CAP2: variants seen among roughly 807,000 people sequenced by gnomAD.
The protein encoded by CAP2 is adenylyl cyclase-associated protein 2.
Under a neutral mutation model 57.7 loss-of-function variants are expected in CAP2, and 24 were observed. The observed-to-expected ratio is 0.42, with a 90% CI of 0.30 to 0.58. The LOEUF (loss-of-function observed/expected upper bound fraction) is 0.58, where lower values mean the gene tolerates loss of function less well. CAP2 is among the 20% of genes least tolerant of loss of function. The pLI, the probability that CAP2 is intolerant of heterozygous loss-of-function variation, is 0.22. For synonymous variants in CAP2, 194 were observed against 207.2 expected (o/e 0.94, Z 0.55); for missense variants, 501 against 590.3 (o/e 0.85, Z 1.57).
chr6:17,502,909 C>G (rs1761864150), intron 4 of CAP2, among the ~76,000 whole-genome samples: 1 of 152,170 alleles, frequency 6.6e-6, no homozygotes. Context: ...GAAACTGATG[C>G]CACACCTTTG....
At chr6:17,409,552 T>C (rs757386514) in intron 1 of CAP2, among the ~76,000 whole-genome samples, 5 of 152,188 alleles carry the variant, frequency 3.3e-5, no homozygotes, top group Non-Finnish European at 5.9e-5. Context: ...CATCACTTTG[T>C]AGTTGCAAAG....
At chr6:17,462,029 A>G (rs1760743610) in intron 3 of CAP2, among the ~76,000 whole-genome samples, 1 of 143,288 alleles carries the variant, frequency 7.0e-6, no homozygotes, top group African/African-American at 2.5e-5. Flanking sequence ...AAAAATTAAC[A>G]TAACAAAAAA....
intron 1 of CAP2, among the ~76,000 whole-genome samples, chr6:17,404,537 C>T (rs1193882237): frequency 2.0e-5 from 3 of 151,326 alleles, no homozygotes; most frequent in East Asian, 2.0e-4. Context: ...CCCAGGAGGC[C>T]GAGCTTGCAG....
intron 3 of CAP2, among the ~76,000 whole-genome samples, chr6:17,446,242 A>G (rs1315775394): frequency 6.6e-6 from 1 of 152,242 alleles, no homozygotes; most frequent in African/African-American, 2.4e-5. Context: ...AATGAAAAAT[A>G]GTCATCTGTT....
chr6:17,531,770 C>T (rs1022710072), intron 7 of CAP2: 2 of 581,384 alleles, frequency 3.4e-6, no homozygotes, highest in Admixed American at 6.4e-5. Flanking sequence ...AGCCCTTCAG[C>T]TTCTCCTTTT....
intron 7 of CAP2, among the ~76,000 whole-genome samples, chr6:17,520,398 A>G (rs902176025): frequency 6.6e-6 from 1 of 152,046 alleles, no homozygotes; most frequent in East Asian, 1.9e-4. Flanking sequence ...GCATGGTAGG[A>G]TGATAAGCTG....
intron 2 of CAP2, among the ~76,000 whole-genome samples, chr6:17,424,441 C>T (rs904712520): frequency 3.9e-5 from 6 of 152,162 alleles, no homozygotes; most frequent in African/African-American, 1.4e-4. Flanking sequence ...TAATCCCTTA[C>T]AAATGCATAA....
chr6:17,440,614 G>GGTGTGTGTGT (rs55662495), intron 3 of CAP2, among the ~76,000 whole-genome samples: 6 of 141,590 alleles, frequency 4.2e-5, no homozygotes, highest in South Asian at 4.5e-4. Context: ...AACTGTGTGT[G>GGTGTGTGTGT]GTGTGTGTGT....
At chr6:17,425,114 TG>T (rs1759555189) in intron 2 of CAP2, among the ~76,000 whole-genome samples, 1 of 152,154 alleles carries the variant, frequency 6.6e-6, no homozygotes, top group Non-Finnish European at 1.5e-5. Context: ...CCTGTGGAAA[TG>T]GGTAATTGGG....
At chr6:17,397,374 T>C (rs958826975) in intron 1 of CAP2, among the ~76,000 whole-genome samples, 2 of 151,782 alleles carry the variant, frequency 1.3e-5, no homozygotes, top group Non-Finnish European at 2.9e-5. Flanking sequence ...CTTGCATTCT[T>C]AAAATTCAAC....
At chr6:17,522,711 G>A (rs1440296489) in intron 7 of CAP2, among the ~76,000 whole-genome samples, 1 of 152,226 alleles carries the variant, frequency 6.6e-6, no homozygotes, top group Non-Finnish European at 1.5e-5. Context: ...GCAGGTTGGG[G>A]CCAGATGGTG....
intron 3 of CAP2, among the ~76,000 whole-genome samples, chr6:17,426,992 T>C (rs754739219): frequency 4.6e-5 from 7 of 152,118 alleles, no homozygotes; most frequent in Non-Finnish European, 8.8e-5. Flanking sequence ...TATACAAATA[T>C]ATAAATGAAT....
At chr6:17,452,659 T>A (rs574496409) in intron 3 of CAP2, among the ~76,000 whole-genome samples, 1 of 152,278 alleles carries the variant, frequency 6.6e-6, no homozygotes, top group South Asian at 2.1e-4. Context: ...TAAAATCGTA[T>A]GTAGTTAGTA....
intron 3 of CAP2, among the ~76,000 whole-genome samples, chr6:17,438,320 C>G (rs62393832): frequency 2.0e-5 from 3 of 148,790 alleles, no homozygotes; most frequent in Non-Finnish European, 2.9e-5. Context: ...GGGCCGAGAT[C>G]GTGCCACTGC....
chr6:17,456,250 C>T (rs185407468), intron 3 of CAP2, among the ~76,000 whole-genome samples: 2 of 152,300 alleles, frequency 1.3e-5, no homozygotes, highest in African/African-American at 4.8e-5. Context: ...CACACAGAAC[C>T]ACTGATTCAA....
At chr6:17,488,774 T>C (rs1761480330) in intron 4 of CAP2, among the ~76,000 whole-genome samples, 1 of 152,214 alleles carries the variant, frequency 6.6e-6, no homozygotes, top group South Asian at 2.1e-4. Context: ...TCTGTTGTCA[T>C]CAAAGTTTGC....
At chr6:17,445,609 T>A (rs1760236185) in intron 3 of CAP2, among the ~76,000 whole-genome samples, 1 of 152,194 alleles carries the variant, frequency 6.6e-6, no homozygotes, top group African/African-American at 2.4e-5. Flanking sequence ...TTTCTAATAA[T>A]CAAATCTCCC....
intron 12 of CAP2, among the ~76,000 whole-genome samples, chr6:17,554,841 C>T (rs1763257478): frequency 6.6e-6 from 1 of 152,228 alleles, no homozygotes; most frequent in African/African-American, 2.4e-5. Flanking sequence ...CTTCTATCCT[C>T]TTCTGAAATG....
intron 4 of CAP2, among the ~76,000 whole-genome samples, chr6:17,478,102 G>A (rs962657408): frequency 6.7e-6 from 1 of 149,702 alleles, no homozygotes; most frequent in East Asian, 1.9e-4. Context: ...CTTTTAGATA[G>A]GCTGTATCTA....
Sources: gnomAD v4.1 joint callset for allele counts (sites outside exome capture counted in the v4.1 genomes callset) on GRCh38, gnomAD v4.1.1 for gene constraint, MANE v1.5 for transcripts, NCBI Gene and HGNC (gene_info 2026-07-23, HGNC 2026-07-21) for gene names.